TMX3: variants seen among roughly 807,000 people sequenced by gnomAD.
TMX3 encodes protein disulfide-isomerase TMX3.
In TMX3, 40 loss-of-function variants were observed where a neutral mutation model predicts 64.4. That is an observed-to-expected ratio of 0.62 (90% confidence interval 0.48 to 0.81). The LOEUF (loss-of-function observed/expected upper bound fraction) is 0.81. Among genes scored for constraint, TMX3 ranks in the 30% least tolerant of loss-of-function variants. The pLI, the probability that TMX3 is intolerant of heterozygous loss-of-function variation, is 0.00. For synonymous variants in TMX3, 189 were observed against 175.7 expected (o/e 1.08, Z -0.60); for missense variants, 497 against 534.5 (o/e 0.93, Z 0.69).
chr18:68,683,952 A>G (rs1913695105), intron 12 of TMX3, among the ~76,000 whole-genome samples: 2 of 152,182 alleles, frequency 1.3e-5, no homozygotes, highest in South Asian at 4.1e-4. Context: ...AAACTTTATC[A>G]TAAGTATGTA....
At chr18:68,687,981 A>T (rs1327866159) in intron 9 of TMX3, 1 of 312,728 alleles carries the variant, frequency 3.2e-6, no homozygotes, top group Non-Finnish European at 5.7e-6. Flanking sequence ...TAGCATAAAA[A>T]TAATTAAAAA....
At position 68,697,268 on chromosome 18, in the gene TMX3, T is replaced by C; in HGVS notation, c.528A>G (p.Val176=). The change falls in exon 8 of 16, where the codon GTA becomes GTG. Residue 176 remains valine, a synonymous_variant. Transcript: ENST00000299608. ...CTGAGGCAGAAAAGAAGTATGTATA[T>C]ACAATCAATTCTGAAGCAGCATCTA... is the stretch of plus-strand genomic sequence containing the variant. ...KYIDAASELI[V]YTYFFSASEE... The C allele has an allele frequency of 6.3e-7, 1 of 1,581,192 alleles. No individual in the cohort carries two copies. Among genetic ancestry groups the C allele is most frequent in the Non-Finnish European group, 8.6e-7 (1 of 1,162,004 alleles).
At chr18:68,694,547 G>A (rs1599317950) in intron 8 of TMX3, among the ~76,000 whole-genome samples, 1 of 152,138 alleles carries the variant, frequency 6.6e-6, no homozygotes, top group Admixed American at 6.5e-5. Context: ...ACAGGATCTG[G>A]GCCGGTAGCA....
At chr18:68,713,775 C>T in intron 2 of TMX3, 71 bp downstream of exon 2, 1 of 760,262 alleles carries the variant, frequency 1.3e-6, no homozygotes, top group Non-Finnish European at 1.9e-6. Context: ...ATATTAGAAT[C>T]ACATGCAAAT....
intron 2 of TMX3, among the ~76,000 whole-genome samples, chr18:68,712,472 C>T (rs2031382778): frequency 6.6e-6 from 1 of 152,144 alleles, no homozygotes; most frequent in Non-Finnish European, 1.5e-5. Context: ...ATCCCGGAGG[C>T]AACTGGTTGC....
At chr18:68,689,563 G>C (rs1234946757) in intron 9 of TMX3, 1 of 152,050 alleles carries the variant, frequency 6.6e-6, no homozygotes, top group African/African-American at 2.4e-5. Context: ...GGTAAGAATA[G>C]TGATTTTAAG....
intron 8 of TMX3, among the ~76,000 whole-genome samples, chr18:68,692,952 C>T (rs542097543): frequency 2.0e-5 from 3 of 152,270 alleles, no homozygotes; most frequent in East Asian, 1.9e-4. Context: ...CACAGCAAAC[C>T]CTCTGGTGCA....
chr18:68,709,970 A>G lies in TMX3; in HGVS notation c.265+51T>C. On this transcript the variant is annotated intron_variant, in intron 4 of 15. Transcript: ENST00000299608. ...TCCCACCCTGAATACTGTTGCATAT[A>G]AATGTTTTTGCTGTGAGAACAGTAA... 9 of 1,511,062 alleles carry G rather than the reference A, an allele frequency of 6.0e-6. No homozygotes were observed. In the South Asian group the frequency reaches 6.7e-5, roughly 11 times the overall value. The allele number at this position is 1,511,062 out of a possible 1,614,324, so 93.6% of individuals were successfully genotyped here.
At chr18:68,694,548 G>T (rs1914866930) in intron 8 of TMX3, among the ~76,000 whole-genome samples, 2 of 152,148 alleles carry the variant, frequency 1.3e-5, no homozygotes, top group South Asian at 4.1e-4. Flanking sequence ...CAGGATCTGG[G>T]CCGGTAGCAT....
chr18:68,696,665 T>C (rs898399141), intron 8 of TMX3, among the ~76,000 whole-genome samples: 7 of 151,328 alleles, frequency 4.6e-5, no homozygotes, highest in African/African-American at 1.2e-4. Context: ...TTAGTAGAGA[T>C]AGGATTTCAC....
intron 8 of TMX3, 97 bp from the exon 9 acceptor site, chr18:68,691,458 A>C (rs919323429): frequency 6.9e-6 from 5 of 720,878 alleles, no homozygotes; most frequent in Non-Finnish European, 1.1e-5. Context: ...AAACTCAAAC[A>C]CACATAAAAA....
chr18:68,704,583 T>C (rs764837056), intron 4 of TMX3, among the ~76,000 whole-genome samples: 8 of 152,196 alleles, frequency 5.3e-5, no homozygotes, highest in Admixed American at 1.3e-4. Flanking sequence ...GGGGCTGAGA[T>C]TGAAACTCAG....
At chr18:68,681,823 G>A (rs1299584602) in intron 13 of TMX3, among the ~76,000 whole-genome samples, 2 of 152,120 alleles carry the variant, frequency 1.3e-5, no homozygotes, top group African/African-American at 4.8e-5. Context: ...GAGTTAGTGT[G>A]TCTCTAGTGA....
At chr18:68,694,554 A>C (rs544707153) in intron 8 of TMX3, among the ~76,000 whole-genome samples, 2 of 152,190 alleles carry the variant, frequency 1.3e-5, no homozygotes, top group Non-Finnish European at 2.9e-5. Context: ...CTGGGCCGGT[A>C]GCATGAGCCA....
chr18:68,679,680 T>C (rs191667684), intron 14 of TMX3, 149 bp from the exon 15 acceptor site: 8 of 616,802 alleles, frequency 1.3e-5, no homozygotes, highest in East Asian at 1.2e-4. Context: ...ATTTACTGTG[T>C]TGTTTTTTGT....
rs1441496732 is a variant in TMX3, at chr18:68,673,945, TTA to T, written c.*2986_*2987del. The T allele has an allele frequency of 6.6e-6, 1 of 152,192 alleles. No individual in the cohort carries two copies. The highest frequency in any genetic ancestry group is 2.4e-5 in the African/African-American group (1 of 41,460). The allele number at this position is 152,192 out of a possible 1,614,324, so 9.4% of individuals were successfully genotyped here. On this transcript the variant is annotated 3_prime_UTR_variant, in exon 16 of 16. Transcript: ENST00000299608. ...ATCCTACACTGGTTTATTTGATCAT[TTA>T]ATGCATAAGGAGTGTTGAATGATTT... is the stretch of plus-strand genomic sequence containing the variant.
chr18:68,683,440 T>C (rs1391038379), intron 12 of TMX3, among the ~76,000 whole-genome samples: 1 of 152,186 alleles, frequency 6.6e-6, no homozygotes, highest in Non-Finnish European at 1.5e-5. Flanking sequence ...TGTCTTTTTT[T>C]ATGATAGCAA....
chr18:68,688,599 C>T (rs1270268967), intron 9 of TMX3: 1 of 152,082 alleles, frequency 6.6e-6, no homozygotes, highest in Non-Finnish European at 1.5e-5. Flanking sequence ...CTTTTTCTTG[C>T]ATTGCTAAAC....
rs117803138 is a variant in TMX3, at chr18:68,709,368, C to T, written c.265+653G>A. Reference sequence around the variant, plus strand: ...TAAAAGGTCAGATAAATATTTTAGGCTTTCTGGGGCATACAGCCTCTGTCA... The same window carrying T: ...TAAAAGGTCAGATAAATATTTTAGGTTTTCTGGGGCATACAGCCTCTGTCA... On this transcript the variant is annotated intron_variant, in intron 4 of 15. Transcript: ENST00000299608. Among the ~76,000 whole-genome samples, 1,121 of 152,184 alleles carry T rather than the reference C, an allele frequency of 7.4e-3. 27 individuals are homozygous for T. The highest frequency in any genetic ancestry group is 0.055 in the East Asian group (287 of 5,184).
Sources: gnomAD v4.1 joint callset for allele counts (sites outside exome capture counted in the v4.1 genomes callset) on GRCh38, gnomAD v4.1.1 for gene constraint, MANE v1.5 for transcripts, NCBI Gene and HGNC (gene_info 2026-07-23, HGNC 2026-07-21) for gene names.